Variants in HIVEP2 observed in about 807,000 individuals in gnomAD.
HIVEP2 encodes the protein transcription factor HIVEP2.
HIVEP2 carries 14 observed loss-of-function variants against 180.7 expected under a neutral mutation model. That is an observed-to-expected ratio of 0.08 (90% CI 0.05 to 0.12). HIVEP2 has a LOEUF of 0.12. HIVEP2 is among the 10% of genes least tolerant of loss of function. HIVEP2 has a pLI of 1.00. For synonymous variants in HIVEP2, 1,184 were observed against 1,136.4 expected (o/e 1.04, Z -0.84); for missense variants, 2,579 against 3,008.5 (o/e 0.86, Z 3.34).
rs750956537 is a variant in HIVEP2 at position 142,768,427 on chromosome 6, C to A, written c.5297G>T (p.Gly1766Val). The A allele has an allele frequency of 1.2e-6, 2 of 1,612,778 alleles. No homozygotes were observed. Among genetic ancestry groups the A allele is most frequent in the East Asian group, 2.2e-5 (1 of 44,816 alleles). ...TCGGATTGGCTCAGTTTGTTTGGAT[C>A]CAATATCTTTATCTCCATGAATATC... ...KGDIHGDKDI[G>V]SKQTEPIRIK... Residue 1766 changes from glycine (G) to valine (V), a missense_variant, in exon 6 of 10, where the codon GGA becomes GTA. Transcript: ENST00000367603.
At chr6:142,796,735 A>G (rs532710493) in intron 2 of HIVEP2, among the ~76,000 whole-genome samples, 1 of 152,294 alleles carries the variant, frequency 6.6e-6, no homozygotes, top group South Asian at 2.1e-4. Flanking sequence ...TTCAAGGTTT[A>G]AACTATTGCA....
In HIVEP2 at chr6:142,941,240, G is replaced by A. The variant is rs77125616; in HGVS notation, c.-641+3859C>T. Among the ~76,000 whole-genome samples the A allele has an allele frequency of 5.5e-3, 834 of 152,266 alleles. 7 individuals carry two copies. Among genetic ancestry groups the A allele is most frequent in the African/African-American group, 0.018 (740 of 41,550 alleles). On this transcript the variant is annotated intron_variant, in intron 1 of 9. Transcript: ENST00000367603. ...TCTCAGAGAAGCCAAAGATTGCACA[G>A]ACTAAGAAACCTGTGTTATCCTCTT... is the stretch of plus-strand genomic sequence containing the variant.
At chr6:142,757,902 G>A (rs556476538) in intron 9 of HIVEP2, among the ~76,000 whole-genome samples, 133 of 152,294 alleles carry the variant, frequency 8.7e-4, no homozygotes, top group African/African-American at 3.1e-3. Flanking sequence ...TACTTTTTCT[G>A]ACTGAAGAAT....
intron 1 of HIVEP2, among the ~76,000 whole-genome samples, chr6:142,861,131 G>C (rs1318891159): frequency 6.6e-6 from 1 of 152,134 alleles, no homozygotes; most frequent in Non-Finnish European, 1.5e-5. Context: ...AATACTCTCA[G>C]CATATTCAAA....
intron 2 of HIVEP2, among the ~76,000 whole-genome samples, chr6:142,805,627 T>C (rs537143312): frequency 5.9e-5 from 9 of 151,848 alleles, no homozygotes; most frequent in African/African-American, 2.2e-4. Flanking sequence ...AAATAGCATA[T>C]GGGAACAGTT....
In HIVEP2 at chr6:142,751,702, A is replaced by G. The variant is rs772401183; in HGVS notation, c.*1405T>C. 7 of 152,664 alleles carry G rather than the reference A, an allele frequency of 4.6e-5. No homozygotes were observed. Among genetic ancestry groups the G allele is most frequent in the Non-Finnish European group, 8.8e-5 (6 of 68,058 alleles). 9.5% of individuals were successfully genotyped at this position (152,664 alleles called of 1,614,324 possible). A position where few individuals can be genotyped will look rare whatever the true frequency, so the allele number is the denominator to read the frequency against. On this transcript the variant is annotated 3_prime_UTR_variant, in exon 10 of 10. Coordinates refer to ENST00000367603, the MANE Select transcript of HIVEP2 (RefSeq NM_006734.4). ...CCACCTTCAACACTAACCAAAAGCC[A>G]TTGTGAGTATTACATACAACAGACA...
intron 1 of HIVEP2, among the ~76,000 whole-genome samples, chr6:142,880,920 CCA>C (rs1322488658): frequency 2.0e-5 from 3 of 152,170 alleles, no homozygotes; most frequent in Non-Finnish European, 4.4e-5. Flanking sequence ...ATTCCTTGAA[CCA>C]CTGGGGTTCA....
chr6:142,839,606 A>G (rs1436460501), intron 1 of HIVEP2, among the ~76,000 whole-genome samples: 1 of 152,112 alleles, frequency 6.6e-6, no homozygotes, highest in Non-Finnish European at 1.5e-5. Context: ...GACTTTCTCT[A>G]GCTGAGTGGT....
intron 2 of HIVEP2, among the ~76,000 whole-genome samples, chr6:142,806,306 T>G (rs1033745088): frequency 1.3e-5 from 2 of 152,206 alleles, no homozygotes; most frequent in African/African-American, 4.8e-5. Context: ...CATGCAAATA[T>G]TCAATAAACA....
chr6:142,862,537 A>T (rs1466570065), intron 1 of HIVEP2, among the ~76,000 whole-genome samples: 1 of 146,406 alleles, frequency 6.8e-6, no homozygotes, highest in Non-Finnish European at 1.5e-5. Flanking sequence ...GATTATGTGT[A>T]TCATATATTT....
chr6:142,938,189 A>G (rs942124585), intron 1 of HIVEP2, among the ~76,000 whole-genome samples: 8 of 152,204 alleles, frequency 5.3e-5, no homozygotes, highest in African/African-American at 1.9e-4. Context: ...AATTGCAAAG[A>G]CAGGACTAGA....
At chr6:142,822,590 AAC>A (rs1279250245) in intron 2 of HIVEP2, among the ~76,000 whole-genome samples, 7 of 152,216 alleles carry the variant, frequency 4.6e-5, no homozygotes, top group African/African-American at 1.7e-4. Flanking sequence ...AGATTAATGA[AAC>A]AGTTTTTTTC....
At chr6:142,900,548 T>C (rs540325593) in intron 1 of HIVEP2, among the ~76,000 whole-genome samples, 34 of 152,264 alleles carry the variant, frequency 2.2e-4, no homozygotes, top group Non-Finnish European at 4.4e-4. Flanking sequence ...CTCCCTGGAA[T>C]AAGACTGTGG....
At chr6:142,787,237 C>A (rs1360859093) in intron 2 of HIVEP2, among the ~76,000 whole-genome samples, 1 of 142,146 alleles carries the variant, frequency 7.0e-6, no homozygotes, top group Non-Finnish European at 1.6e-5. Flanking sequence ...TAGAGTGAGA[C>A]CCCGTCTCAA....
intron 1 of HIVEP2, among the ~76,000 whole-genome samples, chr6:142,905,108 A>G (rs1308013188): frequency 2.1e-4 from 32 of 152,226 alleles, no homozygotes; most frequent in Admixed American, 2.0e-3. Flanking sequence ...ACAACCTTTC[A>G]TTCACTTTTT....
chr6:142,830,929 C>T (rs1775061580), intron 2 of HIVEP2, among the ~76,000 whole-genome samples: 1 of 152,188 alleles, frequency 6.6e-6, no homozygotes, highest in South Asian at 2.1e-4. Flanking sequence ...TTCCTTCATA[C>T]AGCCAGTGCC....
At chr6:142,828,104 G>A (rs1359906738) in intron 2 of HIVEP2, among the ~76,000 whole-genome samples, 1 of 152,084 alleles carries the variant, frequency 6.6e-6, no homozygotes, top group Non-Finnish European at 1.5e-5. Context: ...ATGACTTTGC[G>A]GCATGATACG....
intron 1 of HIVEP2, among the ~76,000 whole-genome samples, chr6:142,879,338 A>G (rs1453787747): frequency 6.6e-6 from 1 of 152,184 alleles, no homozygotes; most frequent in Non-Finnish European, 1.5e-5. Context: ...GAATCTTTCT[A>G]TGGTAGTGGC....
intron 2 of HIVEP2, among the ~76,000 whole-genome samples, chr6:142,798,077 A>G (rs1776320973): frequency 6.6e-6 from 1 of 152,092 alleles, no homozygotes; most frequent in African/African-American, 2.4e-5. Flanking sequence ...ATTCTCTCTT[A>G]TGGTGGTGAG....
Sources: gnomAD v4.1 joint callset for allele counts (sites outside exome capture counted in the v4.1 genomes callset) on GRCh38, gnomAD v4.1.1 for gene constraint, MANE v1.5 for transcripts, NCBI Gene and HGNC (gene_info 2026-07-23, HGNC 2026-07-21) for gene names.